Variants in VIPR2 observed in about 807,000 individuals in gnomAD.
The protein encoded by VIPR2 is vasoactive intestinal peptide receptor 2.
A neutral mutation model predicts 58.0 loss-of-function variants in VIPR2; 48 were observed. That is an observed-to-expected ratio of 0.83 (90% CI 0.66 to 1.05). VIPR2 has a LOEUF of 1.05. Ranked by LOEUF, VIPR2 falls within the 50% of genes least tolerant of loss-of-function variation. The pLI is 0.00. For missense variants in VIPR2, 534 were observed against 558.0 expected, an observed-to-expected ratio of 0.96 and a Z score of 0.43; for synonymous variants, 243 against 235.2, an observed-to-expected ratio of 1.03 and a Z score of -0.30.
At chr7:159,041,888 AT>A (rs1403405758) in intron 6 of VIPR2, among the ~76,000 whole-genome samples, 1 of 152,006 alleles carries the variant, frequency 6.6e-6, no homozygotes, top group African/African-American at 2.4e-5. Context: ...CACACTTCTT[AT>A]GGGCGTTGAC....
At chr7:159,037,410 G>C (rs920835242) in intron 6 of VIPR2, among the ~76,000 whole-genome samples, 15 of 152,260 alleles carry the variant, frequency 9.9e-5, no homozygotes, top group African/African-American at 3.6e-4. Flanking sequence ...TGTGTGAACA[G>C]AACACGAGTG....
At chr7:159,033,854 GGA>G (rs1853739580) in intron 10 of VIPR2, among the ~76,000 whole-genome samples, 1 of 152,178 alleles carries the variant, frequency 6.6e-6, no homozygotes, top group African/African-American at 2.4e-5. Flanking sequence ...CAAGTTCACT[GGA>G]GAGGACTTTC....
intron 4 of VIPR2, among the ~76,000 whole-genome samples, chr7:159,069,986 A>T (rs1239788451): frequency 6.6e-6 from 1 of 152,082 alleles, no homozygotes; most frequent in African/African-American, 2.4e-5. Context: ...GAGTTTACCC[A>T]TGGGAATTTT....
chr7:159,077,030 CCCCTTT>C, intron 4 of VIPR2, among the ~76,000 whole-genome samples: 1 of 152,290 alleles, frequency 6.6e-6, no homozygotes, highest in African/African-American at 2.4e-5. Flanking sequence ...GAGCTAATAA[CCCCTTT>C]GGTTATCACC....
At chr7:159,076,018 A>G (rs1856620445) in intron 4 of VIPR2, among the ~76,000 whole-genome samples, 1 of 151,338 alleles carries the variant, frequency 6.6e-6, no homozygotes, top group Non-Finnish European at 1.5e-5. Context: ...TCTTTGTTGA[A>G]CCTTCTTGGT....
chr7:159,143,604 G>A (rs2129498666), intron 1 of VIPR2, among the ~76,000 whole-genome samples: 1 of 152,344 alleles, frequency 6.6e-6, no homozygotes, highest in South Asian at 2.1e-4. Context: ...GCTCGTGACT[G>A]AACCAGCACC....
At chr7:159,056,075 G>C (rs1331840084) in intron 5 of VIPR2, among the ~76,000 whole-genome samples, 8 of 152,214 alleles carry the variant, frequency 5.3e-5, no homozygotes, top group African/African-American at 1.9e-4. Context: ...AATGTCCAGC[G>C]ACCTTCCTGG....
rs186334893 is a variant in VIPR2, at chr7:159,127,213, G to A, written c.151+15233C>T. 6.6e-6 allele frequency among the ~76,000 whole-genome samples: 1 copy of A among 152,264 alleles called. No individual in the cohort carries two copies. The highest frequency in any genetic ancestry group is 6.5e-5 in the Admixed American group (1 of 15,306). ...CCTCAACAGCCTGATGGTGAACTACGGACTGTTGGGAAACGCCATCTCCTG... is the reference window on the plus strand; with the variant it reads ...CCTCAACAGCCTGATGGTGAACTACAGACTGTTGGGAAACGCCATCTCCTG... On this transcript the variant is annotated intron_variant, in intron 2 of 12. Transcript: ENST00000262178. The surrounding 1 kb of genome is among the most constrained non-coding windows in gnomAD (Gnocchi z 4.6).
intron 5 of VIPR2, among the ~76,000 whole-genome samples, chr7:159,049,499 A>T (rs1050539931): frequency 6.6e-6 from 1 of 152,186 alleles, no homozygotes. Flanking sequence ...AGAAAGGACA[A>T]GCCCAGAGCC....
intron 3 of VIPR2, among the ~76,000 whole-genome samples, chr7:159,105,540 C>A (rs140898002): frequency 7.9e-4 from 120 of 152,228 alleles, no homozygotes; most frequent in African/African-American, 2.7e-3. Flanking sequence ...AGGGCCGGGC[C>A]AGGCTCTGGC....
At chr7:159,049,074 C>T (rs779946348) in intron 5 of VIPR2, among the ~76,000 whole-genome samples, 18 of 152,344 alleles carry the variant, frequency 1.2e-4, no homozygotes, top group Middle Eastern at 3.4e-3. Flanking sequence ...CTGCCAAGCA[C>T]GCACTCCCAT....
chr7:159,039,775 A>G (rs1217620884), intron 6 of VIPR2, among the ~76,000 whole-genome samples: 2 of 152,184 alleles, frequency 1.3e-5, no homozygotes, highest in African/African-American at 2.4e-5. Context: ...GGATGGAGAC[A>G]CCCTCTGACC....
At chr7:159,089,977 C>T (rs910583242) in intron 4 of VIPR2, among the ~76,000 whole-genome samples, 16 of 152,258 alleles carry the variant, frequency 1.1e-4, no homozygotes, top group African/African-American at 3.9e-4. Flanking sequence ...GCAAGGCAGG[C>T]ACCAAAGGAG....
intron 1 of VIPR2, among the ~76,000 whole-genome samples, chr7:159,144,080 A>C (rs1797587862): frequency 6.6e-6 from 1 of 152,250 alleles, no homozygotes; most frequent in Non-Finnish European, 1.5e-5. Context: ...AGTCTCCAAG[A>C]GGAAAGCAAG....
Position 159,031,670 on chromosome 7 carries a change from T to C in VIPR2, c.1143+158A>G, listed in dbSNP as rs1853594706. 1 of 985,104 alleles carries C rather than the reference T, an allele frequency of 1.0e-6. No homozygotes were observed. Among genetic ancestry groups the C allele is most frequent in the South Asian group, 4.7e-5 (1 of 21,268 alleles). The allele number at this position is 985,104 out of a possible 1,614,324, so 61.0% of individuals were successfully genotyped here. On this transcript the variant is annotated intron_variant, in intron 12 of 12. Transcript: ENST00000262178. This position sits in a 1 kb window ranked among gnomAD's most constrained non-coding sequence, Gnocchi z 4.0. ...AGAAGAGTGGGTTTGCCTGTGTCGT[T>C]GTGGGTTCTCTGATGGGGACACAGA...
intron 4 of VIPR2, among the ~76,000 whole-genome samples, chr7:159,080,417 AC>A (rs1446450511): frequency 1.3e-5 from 2 of 152,016 alleles, no homozygotes; most frequent in Admixed American, 6.6e-5. Flanking sequence ...AAATTCAACA[AC>A]CCTTCATGTT....
At chr7:159,082,499 AG>A (rs1441144845) in intron 4 of VIPR2, among the ~76,000 whole-genome samples, 1 of 152,224 alleles carries the variant, frequency 6.6e-6, no homozygotes, top group East Asian at 1.9e-4. Flanking sequence ...GGATAGCATT[AG>A]GAGATATACC....
chr7:159,125,421 T>TC (rs1233010184), intron 2 of VIPR2, among the ~76,000 whole-genome samples: 1 of 152,238 alleles, frequency 6.6e-6, no homozygotes, highest in East Asian at 1.9e-4. Flanking sequence ...TGTGGTTCCT[T>TC]CCTCACTTTA....
At chr7:159,051,066 T>G (rs1854976861) in intron 5 of VIPR2, among the ~76,000 whole-genome samples, 1 of 152,106 alleles carries the variant, frequency 6.6e-6, no homozygotes, top group Non-Finnish European at 1.5e-5. Flanking sequence ...CTCATAAGAA[T>G]TCACTGCTGG....
Sources: allele counts gnomAD v4.1 joint callset (sites outside exome capture counted in the v4.1 genomes callset), GRCh38; gene constraint gnomAD v4.1.1; non-coding constraint Gnocchi (gnomAD v3.1); transcripts MANE v1.5; gene names NCBI Gene and HGNC (gene_info 2026-07-23, HGNC 2026-07-21).